Variants in MAP2K6 observed in about 807,000 individuals in gnomAD.
MAP2K6 encodes the protein dual specificity mitogen-activated protein kinase kinase 6.
A neutral mutation model predicts 53.7 loss-of-function variants in MAP2K6; 16 were observed. That is an observed-to-expected ratio of 0.30 (90% confidence interval 0.20 to 0.45). MAP2K6 has a LOEUF of 0.45. Among genes scored for constraint, MAP2K6 ranks in the 20% least tolerant of loss-of-function variants. MAP2K6 has a pLI of 1.00. For missense variants in MAP2K6, 204 were observed against 411.9 expected (o/e 0.50, Z 4.37); for synonymous variants, 132 against 143.1 (o/e 0.92, Z 0.55).
At chr17:69,448,633 T>G (rs1473699907) in intron 1 of MAP2K6, among the ~76,000 whole-genome samples, 2 of 152,100 alleles carry the variant, frequency 1.3e-5, no homozygotes, top group African/African-American at 4.8e-5. Context: ...ATCTCCACTC[T>G]TGACCCCCTG....
chr17:69,464,057 AT>A (rs2145173628), intron 1 of MAP2K6, among the ~76,000 whole-genome samples: 1 of 152,172 alleles, frequency 6.6e-6, no homozygotes, highest in African/African-American at 2.4e-5. Flanking sequence ...AATATTTAAA[AT>A]ATTGTATGTT....
chr17:69,419,178 T>C (rs994109339), intron 1 of MAP2K6, among the ~76,000 whole-genome samples: 31 of 152,232 alleles, frequency 2.0e-4, no homozygotes, highest in Admixed American at 1.8e-3. Context: ...TAATGTCATA[T>C]TGAGTTTTCA....
In MAP2K6 at chr17:69,541,811, C is replaced by A; in HGVS notation, c.*58C>A. 1.6e-6 allele frequency: 2 copies of A among 1,260,290 alleles called. No homozygotes were observed. The highest frequency in any genetic ancestry group is 2.3e-6 in the Non-Finnish European group (2 of 865,014). 78.1% of individuals were successfully genotyped at this position (1,260,290 alleles called of 1,614,324 possible). ...TGGATTGGTGGGTTTCGGGGTGAAG[C>A]AAGTTCACTACAGCATCAATAGAAA... On this transcript the variant is annotated 3_prime_UTR_variant, in exon 12 of 12. Coordinates refer to ENST00000590474, the MANE Select transcript of MAP2K6 (RefSeq NM_002758.4).
rs61391338 is a variant in MAP2K6 at position 69,427,403 on chromosome 17, T to G, written c.16+12403T>G. On this transcript the variant is annotated intron_variant, in intron 1 of 11. Coordinates refer to ENST00000590474, the MANE Select transcript of MAP2K6 (RefSeq NM_002758.4). ...TTCAGAAAAATACAGTTCTAAGAGA[T>G]AAAAAGATAAACATATAAAAATAAA... 9.4e-3 allele frequency among the ~76,000 whole-genome samples: 1,427 copies of G among 152,070 alleles called. 26 individuals are homozygous for G. The highest frequency in any genetic ancestry group is 0.033 in the African/African-American group (1,382 of 41,474).
intron 11 of MAP2K6, among the ~76,000 whole-genome samples, 182 bp from the exon 12 acceptor site, chr17:69,541,494 G>C (rs1253000483): frequency 6.6e-6 from 1 of 151,964 alleles, no homozygotes; most frequent in East Asian, 1.9e-4. Flanking sequence ...ACAACTAAGA[G>C]ATATCTTTAA....
At position 69,545,533 on chromosome 17, in the gene MAP2K6, A is replaced by G. The variant is rs1911844262; in HGVS notation, c.*3780A>G. On this transcript the variant is annotated 3_prime_UTR_variant, in exon 12 of 12. Transcript: ENST00000590474. Reference sequence around the variant, plus strand: ...TTCTTGTATATCCTTCAAGCCTAACAAAAAATTGTATGTGCCAGAGATTCC... The same window carrying G: ...TTCTTGTATATCCTTCAAGCCTAACGAAAAATTGTATGTGCCAGAGATTCC... 1 of 152,188 alleles carries G rather than the reference A, an allele frequency of 6.6e-6. No homozygotes were observed. Among genetic ancestry groups the G allele is most frequent in the African/African-American group, 2.4e-5 (1 of 41,434 alleles). 9.4% of individuals were successfully genotyped at this position (152,188 alleles called of 1,614,324 possible).
chr17:69,449,503 T>TTCTTTTG, intron 1 of MAP2K6, among the ~76,000 whole-genome samples: 1 of 136,538 alleles, frequency 7.3e-6, no homozygotes, highest in Non-Finnish European at 1.6e-5. Context: ...TCTTTCTTTT[T>TTCTTTTG]TCTTTCTTTC....
At position 69,430,876 on chromosome 17, in the gene MAP2K6, A is replaced by G. The variant is rs139485846; in HGVS notation, c.16+15876A>G. 4.5e-3 allele frequency among the ~76,000 whole-genome samples: 693 copies of G among 152,334 alleles called. 6 individuals carry two copies. The highest frequency in any genetic ancestry group is 0.016 in the African/African-American group (655 of 41,588). On this transcript the variant is annotated intron_variant, in intron 1 of 11. Coordinates refer to ENST00000590474, the MANE Select transcript of MAP2K6 (RefSeq NM_002758.4). ...GCTGGATAGAAGAAACGCAAGTGCT[A>G]GAGGAAGGGTTATACTGCTACTCTA...
intron 11 of MAP2K6, among the ~76,000 whole-genome samples, chr17:69,536,798 C>G (rs1598320889): frequency 2.0e-5 from 3 of 152,252 alleles, no homozygotes; most frequent in African/African-American, 7.2e-5. Context: ...TAACTATAGG[C>G]CGGGCATGGT....
At position 69,414,951 on chromosome 17, in the gene MAP2K6, T is replaced by C; in HGVS notation, c.-34T>C. ...AGAAGAGAAGCAAGGCAAAGTCTTT[T>C]GTGCTCCCCTCCCCCATCAAAGGAA... is the stretch of plus-strand genomic sequence containing the variant. On this transcript the variant is annotated 5_prime_UTR_variant, in exon 1 of 12. Transcript: ENST00000590474. 1 of 1,537,324 alleles carries C rather than the reference T, an allele frequency of 6.5e-7. No individual in the cohort carries two copies. Among genetic ancestry groups the C allele is most frequent in the Non-Finnish European group, 9.0e-7 (1 of 1,110,808 alleles).
intron 2 of MAP2K6, among the ~76,000 whole-genome samples, chr17:69,508,056 T>TTTTG (rs1909614328): frequency 1.3e-5 from 1 of 76,292 alleles, no homozygotes; most frequent in Admixed American, 1.3e-4. Context: ...TTTTTTTTTT[T>TTTTG]TTTTTTTTTT....
At chr17:69,496,720 T>G (rs1908969257) in intron 1 of MAP2K6, among the ~76,000 whole-genome samples, 1 of 151,892 alleles carries the variant, frequency 6.6e-6, no homozygotes, top group African/African-American at 2.4e-5. Flanking sequence ...ACTTTCTACC[T>G]CTCTGTTTGT....
At chr17:69,499,083 A>G (rs1453701588) in intron 1 of MAP2K6, among the ~76,000 whole-genome samples, 3 of 152,212 alleles carry the variant, frequency 2.0e-5, no homozygotes, top group Non-Finnish European at 1.5e-5. Flanking sequence ...ATAAGCACTC[A>G]CTACACTCAG....
At chr17:69,421,661 C>T (rs1429921462) in intron 1 of MAP2K6, among the ~76,000 whole-genome samples, 1 of 151,936 alleles carries the variant, frequency 6.6e-6, no homozygotes, top group Non-Finnish European at 1.5e-5. Flanking sequence ...GCCTCAGCCT[C>T]CGGAGTAGCT....
intron 1 of MAP2K6, among the ~76,000 whole-genome samples, chr17:69,439,700 G>A (rs1304831730): frequency 2.0e-5 from 3 of 152,106 alleles, no homozygotes; most frequent in Non-Finnish European, 4.4e-5. Flanking sequence ...ACTCCACCCT[G>A]TTCTTCTGTG....
intron 2 of MAP2K6, among the ~76,000 whole-genome samples, chr17:69,509,940 T>C (rs1193607104): frequency 2.6e-5 from 4 of 152,084 alleles, no homozygotes; most frequent in African/African-American, 9.7e-5. Flanking sequence ...CTCCCCTGGC[T>C]CAAGTGATCC....
At chr17:69,450,339 A>G (rs1907177693) in intron 1 of MAP2K6, among the ~76,000 whole-genome samples, 1 of 152,158 alleles carries the variant, frequency 6.6e-6, no homozygotes, top group Non-Finnish European at 1.5e-5. Context: ...ATGAATCACA[A>G]TAAAGTACTC....
At chr17:69,520,790 G>C in intron 6 of MAP2K6, 1 of 421,654 alleles carries the variant, frequency 2.4e-6, no homozygotes, top group Non-Finnish European at 4.2e-6. Context: ...AGGCTCAGGA[G>C]GGTGGAGAGA....
At position 69,472,986 on chromosome 17, in the gene MAP2K6, C is replaced by T. The variant is rs141621974; in HGVS notation, c.17-32794C>T. Among the ~76,000 whole-genome samples, 410 of 152,304 alleles carry T rather than the reference C, an allele frequency of 2.7e-3. 2 individuals carry two copies. Among genetic ancestry groups the T allele is most frequent in the African/African-American group, 8.6e-3 (358 of 41,578 alleles). On this transcript the variant is annotated intron_variant, in intron 1 of 11. Coordinates refer to ENST00000590474, the MANE Select transcript of MAP2K6 (RefSeq NM_002758.4). ...CCTCCCAAAGTGCTGGGATTACAAG[C>T]GTGAGCCAATGCGCCTGGCCTATTC...
Sources: gnomAD v4.1 joint callset for allele counts (sites outside exome capture counted in the v4.1 genomes callset) on GRCh38, gnomAD v4.1.1 for gene constraint, MANE v1.5 for transcripts, NCBI Gene and HGNC (gene_info 2026-07-23, HGNC 2026-07-21) for gene names.